Variants in CCDC77 observed in about 807,000 individuals in gnomAD.
CCDC77 encodes coiled-coil domain-containing protein 77.
In CCDC77, 56 loss-of-function variants were observed where a neutral mutation model predicts 66.8. The ratio of observed to expected loss-of-function variants is 0.84; its 90% CI spans 0.68 to 1.05. CCDC77 has a LOEUF of 1.05. Among genes scored for constraint, CCDC77 ranks in the 50% least tolerant of loss-of-function variants. The pLI is 0.00. For synonymous variants in CCDC77, 196 were observed against 195.2 expected (o/e 1.00, Z -0.03); for missense variants, 570 against 576.8 (o/e 0.99, Z 0.12).
intron 6 of CCDC77, among the ~76,000 whole-genome samples, chr12:429,463 CTT>C (rs11385474): frequency 4.9e-5 from 7 of 142,954 alleles, no homozygotes; most frequent in Non-Finnish European, 4.6e-5. Context: ...CCAAGAGCTA[CTT>C]TTTTTTTTTT....
intron 9 of CCDC77, among the ~76,000 whole-genome samples, chr12:437,437 G>GCA (rs1945778566): frequency 6.6e-6 from 1 of 152,190 alleles, no homozygotes; most frequent in African/African-American, 2.4e-5. Context: ...AGATGAGCAA[G>GCA]TGTTGAATTA....
intron 5 of CCDC77, among the ~76,000 whole-genome samples, chr12:425,791 G>A (rs12229673): frequency 0.33 from 49,413 of 152,022 alleles, 9,944 homozygotes; most frequent in Non-Finnish European, 0.45. Flanking sequence ...CTGATTTAAC[G>A]CGATATCATC....
At chr12:392,461 AG>A (rs1415570924) in intron 1 of CCDC77, among the ~76,000 whole-genome samples, 3 of 152,074 alleles carry the variant, frequency 2.0e-5, no homozygotes, top group Admixed American at 6.6e-5. Context: ...AAAATTATTG[AG>A]GCCAGGCACG....
At chr12:409,783 C>T (rs972725406) in intron 3 of CCDC77, 1 of 159,816 alleles carries the variant, frequency 6.3e-6, no homozygotes, top group African/African-American at 2.5e-5. Flanking sequence ...GTCACAAGGT[C>T]AGGCGTTTGA....
intron 1 of CCDC77, among the ~76,000 whole-genome samples, chr12:396,451 G>T (rs1373413340): frequency 1.3e-5 from 2 of 152,140 alleles, no homozygotes; most frequent in East Asian, 3.8e-4. Context: ...ATTGTATTAG[G>T]TATTATAAGT....
At chr12:424,416 T>C (rs983690356) in intron 5 of CCDC77, among the ~76,000 whole-genome samples, 27 of 151,530 alleles carry the variant, frequency 1.8e-4, no homozygotes, top group African/African-American at 6.5e-4. Flanking sequence ...TCGGCCAGGG[T>C]GATCCTCCTG....
Position 441,962 on chromosome 12 carries a change from T to G in CCDC77, c.*42T>G, listed in dbSNP as rs375923208. 6.2e-7 allele frequency: 1 copy of G among 1,608,418 alleles called. No homozygotes were observed. Among genetic ancestry groups the G allele is most frequent in the Non-Finnish European group, 8.5e-7 (1 of 1,175,892 alleles). On this transcript the variant is annotated 3_prime_UTR_variant, in exon 13 of 13. Coordinates refer to ENST00000239830, the MANE Select transcript of CCDC77 (RefSeq NM_032358.4). The stretch of plus-strand genomic sequence containing the variant: ...TGGCCCCCATTTAGAAGAGGTGTGC[T>G]TCTTGAAACCTGAGGACAAGGTCAT...
intron 5 of CCDC77, among the ~76,000 whole-genome samples, chr12:426,126 G>A (rs1945525178): frequency 6.6e-6 from 1 of 152,206 alleles, no homozygotes; most frequent in Non-Finnish European, 1.5e-5. Context: ...GCCTCCCAAA[G>A]TGCTGGGATT....
intron 4 of CCDC77, among the ~76,000 whole-genome samples, chr12:415,385 T>TTGATA (rs1945218837): frequency 2.5e-5 from 2 of 81,504 alleles, no homozygotes; most frequent in Non-Finnish European, 2.4e-5. Flanking sequence ...AACATAATAT[T>TTGATA]ATGTTAATAT....
At chr12:391,826 C>A (rs1278227139) in intron 1 of CCDC77, among the ~76,000 whole-genome samples, 2 of 152,192 alleles carry the variant, frequency 1.3e-5, no homozygotes, top group East Asian at 3.8e-4. Context: ...TGGTTGCTTA[C>A]AACAGCAGGA....
Position 418,893 on chromosome 12 carries a change from T to A in CCDC77, c.413+257T>A. The stretch of plus-strand genomic sequence containing the variant: ...TTTGTATTTTTAGTGGAGATGGGGT[T>A]TTGCCCTGTCAGCCACGCTGGTCTC... On this transcript the variant is annotated intron_variant, in intron 5 of 12. Coordinates refer to ENST00000239830, the MANE Select transcript of CCDC77 (RefSeq NM_032358.4). The A allele has an allele frequency of 1.6e-5, 6 of 373,990 alleles. No homozygotes were observed. The South Asian group carries it at 2.2e-4, about 13-fold the overall frequency. The allele number at this position is 373,990 out of a possible 1,614,324, so 23.2% of individuals were successfully genotyped here.
At chr12:418,066 C>A (rs1351088089) in intron 4 of CCDC77, among the ~76,000 whole-genome samples, 1 of 152,192 alleles carries the variant, frequency 6.6e-6, no homozygotes, top group Non-Finnish European at 1.5e-5. Context: ...TGCCTATAAT[C>A]CCAGTACTTT....
chr12:408,003 G>A (rs1254127069), intron 2 of CCDC77, among the ~76,000 whole-genome samples: 1 of 151,824 alleles, frequency 6.6e-6, no homozygotes, highest in East Asian at 1.9e-4. Flanking sequence ...TAGCCAGGAT[G>A]GTCTCAATCT....
At chr12:413,397 C>T (rs1385749564) in intron 4 of CCDC77, among the ~76,000 whole-genome samples, 1 of 147,390 alleles carries the variant, frequency 6.8e-6, no homozygotes, top group Non-Finnish European at 1.5e-5. Context: ...CCACCATGCC[C>T]AGCTAATTTT....
upstream of CCDC77, among the ~76,000 whole-genome samples, chr12:399,889 G>A (rs751361733): frequency 6.6e-6 from 1 of 152,202 alleles, no homozygotes; most frequent in Non-Finnish European, 1.5e-5. Context: ...GAGTCAGTCT[G>A]TTCTTAGAAG....
At chr12:398,264 G>A (rs1034656903), upstream of CCDC77, among the ~76,000 whole-genome samples, 2 of 152,058 alleles carry the variant, frequency 1.3e-5, no homozygotes, top group African/African-American at 4.8e-5. Flanking sequence ...CTGCTTTATC[G>A]ACTAAGTTTA....
At chr12:431,643 G>A (rs1347738774) in intron 7 of CCDC77, among the ~76,000 whole-genome samples, 1 of 152,150 alleles carries the variant, frequency 6.6e-6, no homozygotes. Context: ...TTATTTAGGT[G>A]ACATCCTGCA....
chr12:422,239 C>T (rs530327952), intron 5 of CCDC77, among the ~76,000 whole-genome samples: 297 of 146,832 alleles, frequency 2.0e-3, no homozygotes, highest in South Asian at 9.8e-3. Flanking sequence ...CAGTGCTCTT[C>T]TGTGTGTGTG....
intron 5 of CCDC77, among the ~76,000 whole-genome samples, chr12:423,049 C>G (rs1379354079): frequency 1.3e-5 from 2 of 149,120 alleles, no homozygotes; most frequent in Non-Finnish European, 3.0e-5. Flanking sequence ...CAGCAGTGCA[C>G]AAGGGTTTCA....
Sources: allele counts gnomAD v4.1 joint callset (sites outside exome capture counted in the v4.1 genomes callset), GRCh38; gene constraint gnomAD v4.1.1; transcripts MANE v1.5; gene names NCBI Gene and HGNC (gene_info 2026-07-23, HGNC 2026-07-21).